The following MSR1 variants were observed in gnomAD, a reference collection of about 807,000 sequenced individuals.
The protein encoded by MSR1 is macrophage scavenger receptor 1, also known as macrophage scavenger receptor types I and II.
A neutral mutation model predicts 47.2 loss-of-function variants in MSR1; 53 were observed. The ratio of observed to expected loss-of-function variants is 1.12; its 90% CI spans 0.90 to 1.41. The LOEUF is 1.41. MSR1 is among the 40% of genes most tolerant of loss of function. The pLI, the probability that MSR1 is intolerant of heterozygous loss-of-function variation, is 0.00. For missense variants in MSR1, 786 were observed against 546.9 expected (o/e 1.44, Z -4.36); for synonymous variants, 239 against 185.6 (o/e 1.29, Z -2.34).
intron 6 of MSR1, among the ~76,000 whole-genome samples, chr8:16,153,261 C>T (rs747710259): frequency 6.6e-6 from 1 of 151,912 alleles, no homozygotes; most frequent in East Asian, 1.9e-4. Flanking sequence ...TTCCTGATTT[C>T]GGCATCAAAT....
intron 8 of MSR1, among the ~76,000 whole-genome samples, chr8:16,142,111 A>G (rs756170707): frequency 2.6e-5 from 4 of 152,064 alleles, no homozygotes; most frequent in Admixed American, 6.6e-5. Context: ...TGGGCAGATC[A>G]TGAGGTCAGG....
chr8:16,123,218 G>A (rs77651223), intron 8 of MSR1, among the ~76,000 whole-genome samples: 2,616 of 152,160 alleles, frequency 0.017, 73 homozygotes, highest in African/African-American at 0.06. Flanking sequence ...ATATTTTTCA[G>A]TTATAAATAA....
chr8:16,179,120 ATCTCT>A (rs1801748591), intron 1 of MSR1, among the ~76,000 whole-genome samples: 1 of 152,196 alleles, frequency 6.6e-6, no homozygotes, highest in Non-Finnish European at 1.5e-5. Context: ...AAAAAGAGGT[ATCTCT>A]TCTTTCTTAG....
intron 8 of MSR1, among the ~76,000 whole-genome samples, chr8:16,125,179 ATGT>A (rs1457981553): frequency 6.6e-6 from 1 of 152,140 alleles, no homozygotes; most frequent in African/African-American, 2.4e-5. Flanking sequence ...AGGCAGACTA[ATGT>A]TAAACAGAAT....
chr8:16,120,130 C>A (rs1799963462), intron 9 of MSR1, among the ~76,000 whole-genome samples: 2 of 151,914 alleles, frequency 1.3e-5, no homozygotes, highest in Admixed American at 6.6e-5. Flanking sequence ...GTAATCCCAG[C>A]ACTTTAGGTT....
chr8:16,128,815 A>T (rs1352178370), intron 8 of MSR1, among the ~76,000 whole-genome samples: 1 of 151,544 alleles, frequency 6.6e-6, no homozygotes, highest in Non-Finnish European at 1.5e-5. Flanking sequence ...CCTACTTTAA[A>T]AGCTGATTTT....
intron 9 of MSR1, among the ~76,000 whole-genome samples, chr8:16,118,963 A>G (rs1799937650): frequency 6.6e-6 from 1 of 152,140 alleles, no homozygotes. Context: ...ACCTGGGAAA[A>G]ATGTTCTAAA....
intron 1 of MSR1, among the ~76,000 whole-genome samples, chr8:16,187,720 A>G (rs1189966632): frequency 2.6e-5 from 4 of 152,160 alleles, no homozygotes; most frequent in Non-Finnish European, 4.4e-5. Flanking sequence ...TTATGCCTCA[A>G]GAAAACTTTG....
chr8:16,183,454 T>C (rs1026914707), intron 1 of MSR1, among the ~76,000 whole-genome samples: 3 of 149,896 alleles, frequency 2.0e-5, no homozygotes, highest in Non-Finnish European at 4.4e-5. Flanking sequence ...AAATAGAATA[T>C]GCTGAATATT....
intron 7 of MSR1, among the ~76,000 whole-genome samples, chr8:16,144,469 T>A (rs1355696681): frequency 6.6e-6 from 1 of 152,114 alleles, no homozygotes; most frequent in Non-Finnish European, 1.5e-5. Context: ...GTTAATGTTT[T>A]TGATTCCCTC....
At chr8:16,170,733 C>G (rs1027931624) in intron 3 of MSR1, among the ~76,000 whole-genome samples, 2 of 152,108 alleles carry the variant, frequency 1.3e-5, no homozygotes, top group African/African-American at 4.8e-5. Flanking sequence ...TAACTAACAG[C>G]TTGGTGTTTA....
chr8:16,138,151 A>G (rs1800437406), intron 8 of MSR1, among the ~76,000 whole-genome samples: 1 of 152,168 alleles, frequency 6.6e-6, no homozygotes, highest in Non-Finnish European at 1.5e-5. Context: ...TCGTTGTTTG[A>G]GTTTTAGATA....
rs28562878 is a variant in MSR1 at position 16,150,361 on chromosome 8, G to A, written c.899-50C>T. The A allele has an allele frequency of 2.4e-3, 2,643 of 1,080,486 alleles. 47 individuals are homozygous for A. The African/African-American group carries it at 0.038, about 15-fold the overall frequency. 66.9% of individuals were successfully genotyped at this position (1,080,486 alleles called of 1,614,324 possible). A position where few individuals can be genotyped will look rare whatever the true frequency, so the allele number is the denominator to read the frequency against. On this transcript the variant is annotated intron_variant, in intron 6 of 9. Coordinates refer to ENST00000262101, the MANE Select transcript of MSR1 (RefSeq NM_138715.3). ...GAAGGTAATAATTCATTTTCATACA[G>A]ACTTGAGAGTATAATGAAAACATCT...
At chr8:16,174,249 C>CTTT (rs1203952446) in intron 3 of MSR1, among the ~76,000 whole-genome samples, 4 of 115,842 alleles carry the variant, frequency 3.5e-5, no homozygotes, top group Non-Finnish European at 6.0e-5. Context: ...TCTTTAGGAA[C>CTTT]TTTTTTGTTG....
In MSR1 at chr8:16,189,821, T is replaced by C. The variant is rs535438843; in HGVS notation, c.-5+2777A>G. ...TTTTTCTAAATAAAAAATACAGCCATTTTTCTAAAATATAATTTTTTCTTT... is the reference window on the plus strand; with the variant it reads ...TTTTTCTAAATAAAAAATACAGCCACTTTTCTAAAATATAATTTTTTCTTT... On this transcript the variant is annotated intron_variant, in intron 1 of 9. Coordinates refer to ENST00000262101, the MANE Select transcript of MSR1 (RefSeq NM_138715.3). Among the ~76,000 whole-genome samples the C allele has an allele frequency of 1.4e-3, 208 of 144,142 alleles. 3 individuals are homozygous for C. In the South Asian group the frequency reaches 0.029, roughly 20 times the overall value. The allele number at this position is 144,142 out of a possible 152,430, so 94.6% of individuals were successfully genotyped here. A position where few individuals can be genotyped will look rare whatever the true frequency, so the allele number is the denominator to read the frequency against.
chr8:16,136,023 C>T (rs1257387998), intron 8 of MSR1, among the ~76,000 whole-genome samples: 1 of 152,024 alleles, frequency 6.6e-6, no homozygotes, highest in Non-Finnish European at 1.5e-5. Context: ...ACAACCTACT[C>T]CTGAAGGGAA....
intron 1 of MSR1, among the ~76,000 whole-genome samples, chr8:16,179,225 G>A (rs755581079): frequency 1.3e-5 from 2 of 152,244 alleles, no homozygotes; most frequent in Admixed American, 6.5e-5. Flanking sequence ...ATAAAGAAAT[G>A]TCTGGATCTG....
chr8:16,150,339 G>A lies in MSR1; in HGVS notation c.899-28C>T, dbSNP rs1440596038. 5 of 1,392,512 alleles carry A rather than the reference G, an allele frequency of 3.6e-6. No homozygotes were observed. The African/African-American group carries it at 4.3e-5, about 12-fold the overall frequency. The allele number at this position is 1,392,512 out of a possible 1,614,324, so 86.3% of individuals were successfully genotyped here. On this transcript the variant is annotated intron_variant, in intron 6 of 9. Transcript: ENST00000262101. ...ACATTATTAACGAAGAAAAAAAGAAGGTAATAATTCATTTTCATACAGACT... is the reference window on the plus strand; with the variant it reads ...ACATTATTAACGAAGAAAAAAAGAAAGTAATAATTCATTTTCATACAGACT...
At chr8:16,163,545 TAAAG>T (rs1724465559) in intron 5 of MSR1, among the ~76,000 whole-genome samples, 1 of 151,262 alleles carries the variant, frequency 6.6e-6, no homozygotes, top group African/African-American at 2.4e-5. Flanking sequence ...CCTATATATA[TAAAG>T]AAAGCATATA....
Sources: allele counts gnomAD v4.1 joint callset (sites outside exome capture counted in the v4.1 genomes callset), GRCh38; gene constraint gnomAD v4.1.1; transcripts MANE v1.5; gene names NCBI Gene and HGNC (gene_info 2026-07-23, HGNC 2026-07-21).